Variants in ABCC4 observed in about 807,000 individuals in gnomAD.
ABCC4 encodes the protein ATP-binding cassette sub-family C member 4.
Under a neutral mutation model 168.5 loss-of-function variants are expected in ABCC4, and 102 were observed. The observed-to-expected ratio is 0.61, with a 90% CI of 0.52 to 0.71. ABCC4 has a LOEUF of 0.71. Among genes scored for constraint, ABCC4 ranks in the 30% least tolerant of loss-of-function variants. The probability of loss-of-function intolerance (pLI) is 0.00; values close to 1 mark genes in which losing one functional copy is unlikely to be tolerated. For missense variants in ABCC4, 1,402 were observed against 1,605.8 expected (o/e 0.87, Z 2.17); for synonymous variants, 617 against 590.7 (o/e 1.04, Z -0.65).
chr13:95,229,512 G>C (rs1347317896), intron 4 of ABCC4, among the ~76,000 whole-genome samples: 3 of 152,164 alleles, frequency 2.0e-5, no homozygotes, highest in Non-Finnish European at 4.4e-5. Context: ...TTCAGGACAA[G>C]CCAACCCAAC....
chr13:95,041,131 G>A (rs1387035718), intron 29 of ABCC4, among the ~76,000 whole-genome samples: 2 of 152,200 alleles, frequency 1.3e-5, no homozygotes, highest in East Asian at 3.8e-4. Context: ...GAAAAAAGAG[G>A]ATTTCTAATT....
At chr13:95,041,426 G>A (rs1157644347) in intron 29 of ABCC4, among the ~76,000 whole-genome samples, 2 of 152,166 alleles carry the variant, frequency 1.3e-5, no homozygotes, top group Non-Finnish European at 2.9e-5. Flanking sequence ...CGTCTTTGTG[G>A]AGAAGTATTC....
chr13:95,297,224 T>A (rs1489928985), intron 1 of ABCC4, among the ~76,000 whole-genome samples: 1 of 139,104 alleles, frequency 7.2e-6, no homozygotes, highest in East Asian at 2.1e-4. Context: ...TGAGCCGAGA[T>A]CACACCACGG....
chr13:95,180,328 T>C (rs765826964), intron 11 of ABCC4, among the ~76,000 whole-genome samples: 1 of 151,984 alleles, frequency 6.6e-6, no homozygotes, highest in Non-Finnish European at 1.5e-5. Flanking sequence ...CCGACACGGG[T>C]GGATCACCTG....
intron 1 of ABCC4, among the ~76,000 whole-genome samples, chr13:95,281,805 T>C (rs1410672262): frequency 2.0e-5 from 3 of 148,232 alleles, no homozygotes; most frequent in African/African-American, 7.4e-5. Context: ...CAGGCTGCCA[T>C]AAAAAAAAAA....
chr13:95,246,987 A>AC lies in ABCC4; in HGVS notation c.293_294insG (p.Phe98LeufsTer5), dbSNP rs752281837. Reference sequence around the variant, plus strand: ...TAAAAGCTTTTACCTCAATTAACGTAAAAATTCCCAAAACTAAATAAGATT... The same window carrying AC: ...TAAAAGCTTTTACCTCAATTAACGTACAAAATTCCCAAAACTAAATAAGATT... On this transcript the variant is annotated frameshift_variant, in exon 3 of 31. Transcript: ENST00000645237. LOFTEE classifies it high-confidence loss of function. 69 of 1,611,966 alleles carry AC rather than the reference A, an allele frequency of 4.3e-5. No homozygotes were observed. The highest frequency in any genetic ancestry group is 5.3e-5 in the Non-Finnish European group (63 of 1,179,006).
At chr13:95,103,852 A>C (rs1351096187) in intron 20 of ABCC4, among the ~76,000 whole-genome samples, 1 of 151,934 alleles carries the variant, frequency 6.6e-6, no homozygotes, top group Non-Finnish European at 1.5e-5. Flanking sequence ...ATCTCCTCTA[A>C]TGCCTTGTCT....
chr13:95,262,107 G>A (rs1416011294), intron 1 of ABCC4, among the ~76,000 whole-genome samples: 1 of 152,152 alleles, frequency 6.6e-6, no homozygotes, highest in African/African-American at 2.4e-5. Flanking sequence ...CATGCCTGGG[G>A]GGCAGCTCTC....
intron 8 of ABCC4, among the ~76,000 whole-genome samples, chr13:95,196,614 A>G (rs1469527176): frequency 2.9e-4 from 2 of 6,962 alleles, no homozygotes; most frequent in East Asian, 5.6e-3. Flanking sequence ...GGAAGGAAGG[A>G]AGGAAGGAAG....
At chr13:95,268,997 C>A (rs751130210) in intron 1 of ABCC4, among the ~76,000 whole-genome samples, 2 of 152,168 alleles carry the variant, frequency 1.3e-5, no homozygotes, top group Non-Finnish European at 2.9e-5. Flanking sequence ...GGAAGGCCAC[C>A]CCTTCACTAA....
intron 1 of ABCC4, among the ~76,000 whole-genome samples, chr13:95,291,899 T>G (rs2041413439): frequency 6.6e-6 from 1 of 151,986 alleles, no homozygotes; most frequent in African/African-American, 2.4e-5. Context: ...TGAGCCAAGA[T>G]CATACCACTG....
chr13:95,167,828 A>C lies in ABCC4; in HGVS notation c.1825-1461T>G, dbSNP rs74468496. On this transcript the variant is annotated intron_variant, in intron 14 of 30. Coordinates refer to ENST00000645237, the MANE Select transcript of ABCC4 (RefSeq NM_005845.5). ...GGGGCTGGGTCGACAGCAAGAAGCA[A>C]GAATGGACACACATTCATCCTGGGT... Among the ~76,000 whole-genome samples the C allele has an allele frequency of 7.3e-3, 1,112 of 152,248 alleles. 7 individuals carry two copies. The highest frequency in any genetic ancestry group is 0.013 in the Non-Finnish European group (869 of 68,020).
At chr13:95,117,260 A>T (rs2035411613) in intron 19 of ABCC4, among the ~76,000 whole-genome samples, 1 of 152,012 alleles carries the variant, frequency 6.6e-6, no homozygotes, top group Non-Finnish European at 1.5e-5. Context: ...CCTGTTAAAA[A>T]AAAAAAAAAA....
At chr13:95,134,119 T>A (rs1316720035) in intron 19 of ABCC4, among the ~76,000 whole-genome samples, 1 of 152,168 alleles carries the variant, frequency 6.6e-6, no homozygotes, top group Non-Finnish European at 1.5e-5. Context: ...CTCAGATGCA[T>A]GAATAATGGT....
At chr13:95,167,106 G>T (rs2037301765) in intron 14 of ABCC4, among the ~76,000 whole-genome samples, 1 of 151,896 alleles carries the variant, frequency 6.6e-6, no homozygotes, top group Non-Finnish European at 1.5e-5. Context: ...GAACCCAGAA[G>T]GCGGAGGTTG....
intron 30 of ABCC4, among the ~76,000 whole-genome samples, chr13:95,029,192 A>C (rs76829369): frequency 0.27 from 13,330 of 49,500 alleles, 750 homozygotes; most frequent in Admixed American, 0.39. Context: ...ATATATATAT[A>C]TATATATATA....
At chr13:95,167,326 A>G (rs2037315080) in intron 14 of ABCC4, among the ~76,000 whole-genome samples, 1 of 152,182 alleles carries the variant, frequency 6.6e-6, no homozygotes, top group African/African-American at 2.4e-5. Flanking sequence ...ATAATGTACA[A>G]ATATCTTTAC....
At chr13:95,182,880 T>A (rs1205620622) in intron 11 of ABCC4, among the ~76,000 whole-genome samples, 2 of 152,178 alleles carry the variant, frequency 1.3e-5, no homozygotes, top group African/African-American at 4.8e-5. Context: ...TGCTACGATA[T>A]CTCTTTGAAT....
chr13:95,081,469 A>G (rs951781524), intron 21 of ABCC4, among the ~76,000 whole-genome samples: 4 of 152,236 alleles, frequency 2.6e-5, no homozygotes, highest in African/African-American at 9.6e-5. Context: ...GGCTAGGGCC[A>G]GTCATCTGCA....
Sources: gnomAD v4.1 joint callset for allele counts (sites outside exome capture counted in the v4.1 genomes callset) on GRCh38, gnomAD v4.1.1 for gene constraint, MANE v1.5 for transcripts, NCBI Gene and HGNC (gene_info 2026-07-23, HGNC 2026-07-21) for gene names.